MAPKBP1: variants seen among roughly 807,000 people sequenced by gnomAD.
MAPKBP1 encodes mitogen-activated protein kinase-binding protein 1.
A neutral mutation model predicts 170.5 loss-of-function variants in MAPKBP1; 71 were observed. The ratio of observed to expected loss-of-function variants is 0.42; its 90% CI spans 0.34 to 0.51. MAPKBP1 has a LOEUF of 0.51. Among genes scored for constraint, MAPKBP1 ranks in the 20% least tolerant of loss-of-function variants. The probability of loss-of-function intolerance (pLI) is 0.06; values close to 1 mark genes in which losing one functional copy is unlikely to be tolerated. For synonymous variants in MAPKBP1, 719 were observed against 757.9 expected (o/e 0.95, Z 0.84); for missense variants, 1,598 against 1,933.0 (o/e 0.83, Z 3.25).
At chr15:41,819,689 G>A (rs1159738563) in intron 22 of MAPKBP1, 39 bp downstream of exon 22, 1 of 1,577,012 alleles carries the variant, frequency 6.3e-7, no homozygotes, top group Non-Finnish European at 8.6e-7. Flanking sequence ...CAAGGTTAGA[G>A]GAGGCAAAGG....
chr15:41,807,644 C>T (rs1014212285), intron 3 of MAPKBP1, among the ~76,000 whole-genome samples: 2 of 152,262 alleles, frequency 1.3e-5, no homozygotes, highest in East Asian at 1.9e-4. Context: ...GTTCAGAAAA[C>T]GTTGTTTAAC....
Position 41,817,366 on chromosome 15 carries a change from G to C in MAPKBP1, c.1712-22G>C. On this transcript the variant is annotated intron_variant, in intron 14 of 30. Transcript: ENST00000457542. The surrounding 1 kb of genome is among the most constrained non-coding windows in gnomAD (Gnocchi z 4.2). The stretch of plus-strand genomic sequence containing the variant: ...CCATGTGGTGAGAACAGTGGGAACA[G>C]CTGGGCTTCCCTCCTTCATAGCCAG... The C allele has an allele frequency of 6.2e-7, 1 of 1,613,514 alleles. No individual in the cohort carries two copies. Among genetic ancestry groups the C allele is most frequent in the South Asian group, 1.1e-5 (1 of 91,068 alleles).
At position 41,822,103 on chromosome 15, in the gene MAPKBP1, C is replaced by A. The variant is rs1329389173; in HGVS notation, c.3024C>A (p.Pro1008=). Residue 1008 remains proline (P), a synonymous_variant, in exon 25 of 31, where the codon CCC becomes CCA. Coordinates refer to ENST00000457542, the MANE Select transcript of MAPKBP1 (RefSeq NM_014994.3). ...SSSCLSSPEH[P]TEDSESTEPL... is the part of the protein sequence containing the mutation. Reference sequence around the variant, plus strand: ...GCTGCCTTTCCAGCCCGGAGCACCCCACTGAAGGTGAGGCTGTAGCCTGGA... The same window carrying A: ...GCTGCCTTTCCAGCCCGGAGCACCCAACTGAAGGTGAGGCTGTAGCCTGGA... 6.2e-7 allele frequency: 1 copy of A among 1,605,552 alleles called. No individual in the cohort carries two copies. Among genetic ancestry groups the A allele is most frequent in the Admixed American group, 1.7e-5 (1 of 59,266 alleles).
chr15:41,817,855 C>A lies in MAPKBP1; in HGVS notation c.1904+120C>A. Reference sequence around the variant, plus strand: ...AGGACTTTGTACCCCCTTGAGCCTACAGTACTTTGCTTCACCCAAGAGGTG... The same window carrying A: ...AGGACTTTGTACCCCCTTGAGCCTAAAGTACTTTGCTTCACCCAAGAGGTG... On this transcript the variant is annotated intron_variant, in intron 16 of 30. Coordinates refer to ENST00000457542, the MANE Select transcript of MAPKBP1 (RefSeq NM_014994.3). The surrounding 1 kb of genome is among the most constrained non-coding windows in gnomAD (Gnocchi z 4.2). 1 of 1,559,724 alleles carries A rather than the reference C, an allele frequency of 6.4e-7. No homozygotes were observed.
At chr15:41,778,465 G>A (rs894997219) in intron 2 of MAPKBP1, among the ~76,000 whole-genome samples, 2 of 152,200 alleles carry the variant, frequency 1.3e-5, no homozygotes, top group African/African-American at 2.4e-5. Flanking sequence ...CAGTGGAGGT[G>A]GAGATTTAAG....
intron 2 of MAPKBP1, among the ~76,000 whole-genome samples, chr15:41,779,304 G>A (rs548026521): frequency 4.6e-5 from 7 of 152,214 alleles, no homozygotes; most frequent in Admixed American, 4.6e-4. Context: ...TCTGCCTCCC[G>A]GGTTCAAGCG....
chr15:41,785,067 A>G (rs1490357501), intron 2 of MAPKBP1, among the ~76,000 whole-genome samples: 2 of 152,220 alleles, frequency 1.3e-5, no homozygotes, highest in Admixed American at 6.5e-5. Flanking sequence ...TTGAAAACAC[A>G]TTGTAAGTTT....
rs1251309485 is a variant in MAPKBP1 at position 41,825,270 on chromosome 15, CCTT to C, written c.4364_4366del (p.Phe1455del). The C allele has an allele frequency of 1.2e-6, 2 of 1,611,006 alleles. No homozygotes were observed. Among genetic ancestry groups the C allele is most frequent in the Non-Finnish European group, 8.5e-7 (1 of 1,177,782 alleles). ...CGGATTGCCCAGCTCCTCAGAGACA[CCTT>C]CTCTTCAGTGCGACAGGAGCTGGAA... On this transcript the variant is annotated inframe_deletion, in exon 31 of 31. Transcript: ENST00000457542.
Position 41,821,005 on chromosome 15 carries a change from C to T in MAPKBP1, c.2655C>T (p.Ala885=). 6.2e-7 allele frequency: 1 copy of T among 1,614,174 alleles called. No individual in the cohort carries two copies. Among genetic ancestry groups the T allele is most frequent in the South Asian group, 1.1e-5 (1 of 91,088 alleles). Residue 885 remains alanine, a synonymous_variant, in exon 23 of 31, where the codon GCC becomes GCT. Transcript: ENST00000457542. Reference sequence around the variant, plus strand: ...AGGACCCTAGCCAGGACTCGCTGGCCATCATCCCATCTGGTCCCAGGAAGC... The same window carrying T: ...AGGACCCTAGCCAGGACTCGCTGGCTATCATCCCATCTGGTCCCAGGAAGC... ...SLQDPSQDSL[A]IIPSGPRKHG...
chr15:41,796,685 C>T (rs1265868739), intron 2 of MAPKBP1, among the ~76,000 whole-genome samples: 4 of 152,128 alleles, frequency 2.6e-5, no homozygotes, highest in Non-Finnish European at 5.9e-5. Context: ...AGTTTTGAGC[C>T]CAGGCAAACT....
chr15:41,817,141 G>A lies in MAPKBP1; in HGVS notation c.1711+106G>A. The A allele has an allele frequency of 6.7e-7, 1 of 1,492,960 alleles. No individual in the cohort carries two copies. The highest frequency in any genetic ancestry group is 9.0e-7 in the Non-Finnish European group (1 of 1,114,190). 92.5% of individuals were successfully genotyped at this position (1,492,960 alleles called of 1,614,324 possible). A position where few individuals can be genotyped will look rare whatever the true frequency, so the allele number is the denominator to read the frequency against. ...GCCCATTGTGGGGGAGTGTTGGACA[G>A]CAGCTGGGAGGCCTGGAGCTGGTTG... is the stretch of plus-strand genomic sequence containing the variant. On this transcript the variant is annotated intron_variant, in intron 14 of 30. Coordinates refer to ENST00000457542, the MANE Select transcript of MAPKBP1 (RefSeq NM_014994.3). The surrounding 1 kb of genome is among the most constrained non-coding windows in gnomAD (Gnocchi z 4.2).
intron 23 of MAPKBP1, 74 bp downstream of exon 23, chr15:41,821,142 T>A: frequency 7.4e-7 from 1 of 1,350,120 alleles, no homozygotes; most frequent in Non-Finnish European, 1.1e-6. Flanking sequence ...AGCTGGGACC[T>A]GAGCACTGGT....
Position 41,786,394 on chromosome 15 carries a change from TA to T in MAPKBP1, c.114+11008del, listed in dbSNP as rs568032882. On this transcript the variant is annotated intron_variant, in intron 2 of 30. Coordinates refer to ENST00000457542, the MANE Select transcript of MAPKBP1 (RefSeq NM_014994.3). ...AATTTAAACATGTGTATTTCATATG[TA>T]AATCTAAGATGTTTAAAATTTAAAA... Among the ~76,000 whole-genome samples, 3 of 152,276 alleles carry T rather than the reference TA, an allele frequency of 2.0e-5. No homozygotes were observed. The East Asian group carries it at 5.8e-4, about 29-fold the overall frequency.
chr15:41,788,104 C>A (rs988467825), intron 2 of MAPKBP1, among the ~76,000 whole-genome samples: 1 of 151,968 alleles, frequency 6.6e-6, no homozygotes, highest in Non-Finnish European at 1.5e-5. Context: ...ATTACAGGCA[C>A]GTACCACCAT....
chr15:41,801,773 C>A (rs1274325546), intron 3 of MAPKBP1, among the ~76,000 whole-genome samples: 2 of 152,024 alleles, frequency 1.3e-5, no homozygotes, highest in African/African-American at 4.8e-5. Flanking sequence ...TCACTTGAAC[C>A]CAGGAGGTGG....
At chr15:41,784,589 C>G (rs547910351) in intron 2 of MAPKBP1, among the ~76,000 whole-genome samples, 19 of 151,952 alleles carry the variant, frequency 1.3e-4, no homozygotes, top group Non-Finnish European at 1.3e-4. Context: ...CTAGACCATC[C>G]TGGCCAACAT....
intron 2 of MAPKBP1, among the ~76,000 whole-genome samples, chr15:41,781,551 G>A (rs2064189154): frequency 6.6e-6 from 1 of 152,022 alleles, no homozygotes; most frequent in South Asian, 2.1e-4. Context: ...GCTGAGGCGG[G>A]ATGATTGCTC....
At position 41,818,502 on chromosome 15, in the gene MAPKBP1, T is replaced by A; in HGVS notation, c.2093-17T>A. On this transcript the variant is annotated splice_polypyrimidine_tract_variant and intron_variant, in intron 18 of 30. Coordinates refer to ENST00000457542, the MANE Select transcript of MAPKBP1 (RefSeq NM_014994.3). The surrounding 1 kb of genome is among the most constrained non-coding windows in gnomAD (Gnocchi z 5.2). ...AATTTAAGGTGGCTTATAGACCGTA[T>A]TCTTTGTTCTTCACAGAGATTGTCA... 1 of 1,609,608 alleles carries A rather than the reference T, an allele frequency of 6.2e-7. No individual in the cohort carries two copies.
Position 41,812,051 on chromosome 15 carries a change from C to T in MAPKBP1, c.422C>T (p.Ala141Val). 1.9e-6 allele frequency: 3 copies of T among 1,613,994 alleles called. No homozygotes were observed. Among genetic ancestry groups the T allele is most frequent in the Non-Finnish European group, 2.5e-6 (3 of 1,179,982 alleles). The change falls in exon 6 of 31, where the codon GCC (alanine) becomes GTC (valine). Residue 141 changes from alanine to valine, a missense_variant. Around this residue, in one of 6 missense-constraint regions of MAPKBP1, gnomAD observed 151 missense variants for 191.4 expected, o/e 0.79. Transcript: ENST00000457542. ...CACAAGTATGGTGTGGCTTGTGTGG[C>T]CTTCTCTCCTAGCGCCAAGTACATT... ...QEHKYGVACVAFSPSAKYIVS... is the reference protein window; with the variant it reads ...QEHKYGVACVVFSPSAKYIVS...
Sources: gnomAD v4.1 joint callset for allele counts (sites outside exome capture counted in the v4.1 genomes callset) on GRCh38, gnomAD v4.1.1 for gene constraint, gnomAD v4.1.1 regional missense constraint, Gnocchi (gnomAD v3.1) non-coding constraint, MANE v1.5 for transcripts, NCBI Gene and HGNC (gene_info 2026-07-23, HGNC 2026-07-21) for gene names.